Variants in FOXO1 observed in about 807,000 individuals in gnomAD.
FOXO1 encodes the protein forkhead box protein O1.
A neutral mutation model predicts 44.1 loss-of-function variants in FOXO1; 6 were observed. That is an observed-to-expected ratio of 0.14 (90% confidence interval 0.07 to 0.27). FOXO1 has a LOEUF of 0.27. Among genes scored for constraint, FOXO1 ranks in the 10% least tolerant of loss-of-function variants. The pLI, the probability that FOXO1 is intolerant of heterozygous loss-of-function variation, is 1.00. For synonymous variants in FOXO1, 380 were observed against 362.7 expected (o/e 1.05, Z -0.54); for missense variants, 737 against 888.8 (o/e 0.83, Z 2.17).
rs1347656386 is a variant in FOXO1 at position 40,564,945 on chromosome 13, G to GTCGGGGAACCCCGACATGGTGT, written c.631-4086_631-4085insACACCATGTCGGGGTTCCCCGA. 5.4e-5 allele frequency among the ~76,000 whole-genome samples: 8 copies of GTCGGGGAACCCCGACATGGTGT among 148,612 alleles called. No homozygotes were observed. In the East Asian group the frequency reaches 1.5e-3, roughly 28 times the overall value. On this transcript the variant is annotated intron_variant, in intron 1 of 2. Transcript: ENST00000379561. ...GACCCAATGAGCTCCACAGATGGGG[G>GTCGGGGAACCCCGACATGGTGT]AGTCGGGGAACCCCGACATGGTGTA...
intron 2 of FOXO1, 37 bp downstream of exon 2, chr13:40,559,472 T>G: frequency 6.6e-7 from 1 of 1,514,352 alleles, no homozygotes; most frequent in African/African-American, 1.4e-5. Context: ...TTAAGTTCTA[T>G]TTTTCAAAAG....
intron 1 of FOXO1, among the ~76,000 whole-genome samples, chr13:40,623,504 T>G (rs1436170533): frequency 6.6e-6 from 1 of 152,176 alleles, no homozygotes; most frequent in Non-Finnish European, 1.5e-5. Context: ...AACATAAAAT[T>G]GGAAGTTCAA....
intron 1 of FOXO1, among the ~76,000 whole-genome samples, chr13:40,629,212 G>A (rs1285633615): frequency 6.6e-6 from 1 of 151,254 alleles, no homozygotes; most frequent in Non-Finnish European, 1.5e-5. Flanking sequence ...GTGCAATCTC[G>A]GCCCACTGCA....
rs562798341 is a variant in FOXO1, at chr13:40,630,558, G to A, written c.630+35025C>T. On this transcript the variant is annotated intron_variant, in intron 1 of 2. Transcript: ENST00000379561. ...TAATCCCAGCTACTCGGAAGGCTGA[G>A]GCAGGATAATTGCTTGAACCCAAGA... Among the ~76,000 whole-genome samples, 6 of 152,120 alleles carry A rather than the reference G, an allele frequency of 3.9e-5. No individual in the cohort carries two copies. The South Asian group carries it at 1.2e-3, about 32-fold the overall frequency.
chr13:40,561,001 C>G (rs1873991144), intron 1 of FOXO1, 141 bp from the exon 2 acceptor site: 1 of 712,942 alleles, frequency 1.4e-6, no homozygotes, highest in East Asian at 2.7e-5. Flanking sequence ...CCTAATGGCT[C>G]TGAAGCCACT....
chr13:40,637,072 G>A (rs958654368), intron 1 of FOXO1, among the ~76,000 whole-genome samples: 1 of 152,126 alleles, frequency 6.6e-6, no homozygotes, highest in Non-Finnish European at 1.5e-5. Context: ...GAGGAAGGTT[G>A]GATTCAAACT....
At position 40,574,600 on chromosome 13, in the gene FOXO1, A is replaced by T. The variant is rs921553752; in HGVS notation, c.631-13740T>A. The stretch of plus-strand genomic sequence containing the variant: ...TTATATAACAAAGAGATGAGCAGTA[A>T]GGTCAGTCTAACAGATTACTTCAGC... On this transcript the variant is annotated intron_variant, in intron 1 of 2. Transcript: ENST00000379561. 5.9e-5 allele frequency among the ~76,000 whole-genome samples: 9 copies of T among 152,212 alleles called. 1 individual carries two copies. In the South Asian group the frequency reaches 1.9e-3, roughly 31 times the overall value.
At position 40,559,845 on chromosome 13, in the gene FOXO1, G is replaced by T; in HGVS notation, c.1646C>A (p.Thr549Asn). Residue 549 changes from threonine (T) to asparagine (N), a missense_variant, in exon 2 of 3, where the codon ACC becomes AAC. Transcript: ENST00000379561. ...LPHTVSTMPH[T>N]SGMNRLTQVK... is the part of the protein sequence containing the mutation. ...TTGGGTCAGGCGGTTCATACCCGAGGTGTGGGGCATGGTGCTTACCGTGTG... is the reference window on the plus strand; with the variant it reads ...TTGGGTCAGGCGGTTCATACCCGAGTTGTGGGGCATGGTGCTTACCGTGTG... 1 of 1,614,114 alleles carries T rather than the reference G, an allele frequency of 6.2e-7. No homozygotes were observed. Among genetic ancestry groups the T allele is most frequent in the Non-Finnish European group, 8.5e-7 (1 of 1,179,980 alleles).
At chr13:40,646,751 G>A (rs1303794491) in intron 1 of FOXO1, among the ~76,000 whole-genome samples, 2 of 152,012 alleles carry the variant, frequency 1.3e-5, no homozygotes, top group African/African-American at 4.8e-5. Flanking sequence ...GTGCCACCAC[G>A]CCCAGCTAAT....
At position 40,666,058 on chromosome 13, in the gene FOXO1, G is replaced by C. The variant is rs1023555435; in HGVS notation, c.155C>G (p.Pro52Arg). ...CGAGGGCAGGCCCGCCGCGGCGTCGGGGTTGGCAGCCGCGCTGCCCGACGG... is the reference window on the plus strand; with the variant it reads ...CGAGGGCAGGCCCGCCGCGGCGTCGCGGTTGGCAGCCGCGCTGCCCGACGG... ...PAPSGSAAANPDAAAGLPSAS... is the reference protein window; with the variant it reads ...PAPSGSAAANRDAAAGLPSAS... The change falls in exon 1 of 3, where the codon CCC becomes CGC. Residue 52 changes from proline (P) to arginine (R), a missense_variant. By Grantham distance (103) the Pro-to-Arg change is moderately radical (BLOSUM62 -2). This residue lies in a region of FOXO1 where 213 missense variants were observed against 236.4 expected (regional missense o/e 0.90). Coordinates refer to ENST00000379561, the MANE Select transcript of FOXO1 (RefSeq NM_002015.4). The C allele has an allele frequency of 7.6e-7, 1 of 1,317,216 alleles. No homozygotes were observed. The highest frequency in any genetic ancestry group is 9.6e-7 in the Non-Finnish European group (1 of 1,036,316). The allele number at this position is 1,317,216 out of a possible 1,614,324, so 81.6% of individuals were successfully genotyped here. A position where few individuals can be genotyped will look rare whatever the true frequency, so the allele number is the denominator to read the frequency against.
At position 40,606,370 on chromosome 13, in the gene FOXO1, C is replaced by T. The variant is rs141718583; in HGVS notation, c.631-45510G>A. 7.8e-3 allele frequency among the ~76,000 whole-genome samples: 1,194 copies of T among 152,154 alleles called. 8 individuals carry two copies. The highest frequency in any genetic ancestry group is 0.011 in the Non-Finnish European group (773 of 67,990). On this transcript the variant is annotated intron_variant, in intron 1 of 2. Transcript: ENST00000379561. ...TGTCACCCAGGCTGGAGTGCAGTGG[C>T]GCAATCTTAGCTCACTGCAACCTCT... is the stretch of plus-strand genomic sequence containing the variant.
intron 1 of FOXO1, among the ~76,000 whole-genome samples, chr13:40,622,963 T>C (rs1876664639): frequency 6.6e-6 from 1 of 152,206 alleles, no homozygotes; most frequent in African/African-American, 2.4e-5. Context: ...TTTAAGCCCA[T>C]GCCAATCATT....
In FOXO1 at chr13:40,635,831, C is replaced by A. The variant is rs557608109; in HGVS notation, c.630+29752G>T. ...CTGGGGACGTGACAGAGGTCCCAGC[C>A]ATCAGGATGAGCTGTACTCTACCTG... is the stretch of plus-strand genomic sequence containing the variant. On this transcript the variant is annotated intron_variant, in intron 1 of 2. Transcript: ENST00000379561. Among the ~76,000 whole-genome samples the A allele has an allele frequency of 8.7e-4, 133 of 152,202 alleles. 3 individuals are homozygous for A. Among genetic ancestry groups the A allele is most frequent in the Admixed American group, 3.9e-4 (6 of 15,284 alleles).
At chr13:40,660,490 C>G (rs550666197) in intron 1 of FOXO1, among the ~76,000 whole-genome samples, 1 of 152,314 alleles carries the variant, frequency 6.6e-6, no homozygotes, top group South Asian at 2.1e-4. Flanking sequence ...TCTTAGAAAG[C>G]CTAACACAAA....
At chr13:40,644,014 G>C (rs1381876772) in intron 1 of FOXO1, among the ~76,000 whole-genome samples, 1 of 152,198 alleles carries the variant, frequency 6.6e-6, no homozygotes, top group African/African-American at 2.4e-5. Flanking sequence ...CAAAATTACA[G>C]ATCTAAGTTA....
intron 1 of FOXO1, among the ~76,000 whole-genome samples, chr13:40,630,485 G>T (rs911420646): frequency 6.6e-6 from 1 of 151,884 alleles, no homozygotes; most frequent in African/African-American, 2.4e-5. Flanking sequence ...GAAACCCCGT[G>T]TCCACTAAAA....
At chr13:40,606,899 T>C (rs543114289) in intron 1 of FOXO1, among the ~76,000 whole-genome samples, 1 of 152,354 alleles carries the variant, frequency 6.6e-6, no homozygotes, top group African/African-American at 2.4e-5. Flanking sequence ...TAACTTCCTT[T>C]TTCTATCAGG....
At chr13:40,571,769 G>A (rs1283640475) in intron 1 of FOXO1, among the ~76,000 whole-genome samples, 3 of 152,118 alleles carry the variant, frequency 2.0e-5, no homozygotes, top group Non-Finnish European at 4.4e-5. Flanking sequence ...CTGTTTTATA[G>A]GCCATACAAT....
intron 1 of FOXO1, among the ~76,000 whole-genome samples, chr13:40,645,359 G>T (rs1489593781): frequency 6.6e-6 from 1 of 152,166 alleles, no homozygotes; most frequent in Admixed American, 6.5e-5. Context: ...TTTAAAAGGT[G>T]AAAGTACACA....
Sources: allele counts gnomAD v4.1 joint callset (sites outside exome capture counted in the v4.1 genomes callset), GRCh38; gene constraint gnomAD v4.1.1; regional missense constraint gnomAD v4.1.1; transcripts MANE v1.5; gene names NCBI Gene and HGNC (gene_info 2026-07-23, HGNC 2026-07-21).